The following WWOX variants were observed in gnomAD, a reference collection of about 807,000 sequenced individuals.
The protein encoded by WWOX is WW domain-containing oxidoreductase.
Under a neutral mutation model 46.2 loss-of-function variants are expected in WWOX, and 69 were observed. The ratio of observed to expected loss-of-function variants is 1.49; its 90% confidence interval spans 1.23 to 1.82. The LOEUF (loss-of-function observed/expected upper bound fraction) is 1.82, where lower values mean the gene tolerates loss of function less well. Ranked by LOEUF, WWOX falls within the 40% of genes most tolerant of loss-of-function variation. The probability of loss-of-function intolerance (pLI) is 0.00; values close to 1 mark genes in which losing one functional copy is unlikely to be tolerated. For synonymous variants in WWOX, 359 were observed against 202.6 expected (o/e 1.77, Z -6.56); for missense variants, 919 against 542.6 (o/e 1.69, Z -6.89).
Position 78,614,040 on chromosome 16 carries a change from A to G in WWOX, c.1056+181288A>G, listed in dbSNP as rs78204114. Among the ~76,000 whole-genome samples, 694 of 152,332 alleles carry G rather than the reference A, an allele frequency of 4.6e-3. 9 individuals are homozygous for G. Among genetic ancestry groups the G allele is most frequent in the African/African-American group, 0.015 (635 of 41,574 alleles). Reference sequence around the variant, plus strand: ...GCCCACAAAGCCTAAAATATTTACTATCTGGCTCTTTGCAGAAAATGCGCT... The same window carrying G: ...GCCCACAAAGCCTAAAATATTTACTGTCTGGCTCTTTGCAGAAAATGCGCT... On this transcript the variant is annotated intron_variant, in intron 8 of 8. Transcript: ENST00000566780.
chr16:78,552,621 C>A (rs190792234), intron 8 of WWOX: 1 of 152,176 alleles, frequency 6.6e-6, no homozygotes, highest in Non-Finnish European at 1.5e-5. Flanking sequence ...GGCATCCACG[C>A]GTGTCTTTCT....
chr16:78,369,737 T>TA (rs2081623648), intron 5 of WWOX, among the ~76,000 whole-genome samples: 1 of 152,026 alleles, frequency 6.6e-6, no homozygotes, highest in African/African-American at 2.4e-5. Flanking sequence ...ACCCAATTGT[T>TA]AAAATCCAAC....
chr16:79,095,009 T>G (rs2049040386), intron 8 of WWOX, among the ~76,000 whole-genome samples: 1 of 152,176 alleles, frequency 6.6e-6, no homozygotes, highest in East Asian at 1.9e-4. Context: ...TCTGGCTTAT[T>G]TCTAAGTCCC....
intron 5 of WWOX, among the ~76,000 whole-genome samples, chr16:78,372,983 C>G (rs866608357): frequency 6.6e-6 from 1 of 152,126 alleles, no homozygotes; most frequent in Admixed American, 6.6e-5. Flanking sequence ...GGGCTATTGT[C>G]TCTCAAAGAC....
At chr16:78,676,468 C>T (rs903960583) in intron 8 of WWOX, among the ~76,000 whole-genome samples, 1 of 150,994 alleles carries the variant, frequency 6.6e-6, no homozygotes, top group Non-Finnish European at 1.5e-5. Flanking sequence ...ACCTAAAAAG[C>T]TCCCCACCCC....
At chr16:78,576,314 T>G (rs1437991340) in intron 8 of WWOX, among the ~76,000 whole-genome samples, 2 of 152,178 alleles carry the variant, frequency 1.3e-5, no homozygotes, top group African/African-American at 4.8e-5. Context: ...TGTCCAGCTT[T>G]CTTTCTTTTA....
chr16:78,355,551 A>G (rs2081267595), intron 5 of WWOX: 1 of 422,568 alleles, frequency 2.4e-6, no homozygotes, highest in Admixed American at 2.9e-5. Context: ...GTAGACCAGC[A>G]GCAAACTACC....
At chr16:78,545,940 T>G (rs2044020739) in intron 8 of WWOX, among the ~76,000 whole-genome samples, 1 of 152,172 alleles carries the variant, frequency 6.6e-6, no homozygotes, top group Non-Finnish European at 1.5e-5. Context: ...TTTAACTTAG[T>G]TACCCTTTCA....
chr16:78,812,478 T>C (rs1290437553), intron 8 of WWOX, among the ~76,000 whole-genome samples: 1 of 152,036 alleles, frequency 6.6e-6, no homozygotes, highest in Non-Finnish European at 1.5e-5. Flanking sequence ...TCCTGACACT[T>C]TGGGAGGCCG....
intron 8 of WWOX, among the ~76,000 whole-genome samples, chr16:78,848,175 G>T (rs188446789): frequency 7.7e-4 from 117 of 152,272 alleles, no homozygotes; most frequent in African/African-American, 2.7e-3. Context: ...GGTTTTGCAG[G>T]GGTTTAATAT....
chr16:79,057,509 T>C (rs559017808), intron 8 of WWOX, among the ~76,000 whole-genome samples: 1 of 152,324 alleles, frequency 6.6e-6, no homozygotes, highest in East Asian at 1.9e-4. Context: ...TTATATTTCC[T>C]GTGGCTGAGC....
chr16:78,314,690 TTTTTTTTTTTG>T (rs1276775515), intron 5 of WWOX, among the ~76,000 whole-genome samples: 3 of 76,726 alleles, frequency 3.9e-5, no homozygotes, highest in East Asian at 4.3e-3. Context: ...CTGCAGGGGT[TTTTTTTTTTTG>T]TTTTTTTTTT....
intron 8 of WWOX, among the ~76,000 whole-genome samples, chr16:79,164,514 A>T (rs764985936): frequency 6.6e-6 from 1 of 152,184 alleles, no homozygotes; most frequent in Non-Finnish European, 1.5e-5. Flanking sequence ...GCCACCAGGC[A>T]TCAGCGCTGT....
intron 8 of WWOX, among the ~76,000 whole-genome samples, chr16:78,642,090 A>C (rs2046731632): frequency 6.6e-6 from 1 of 152,164 alleles, no homozygotes; most frequent in African/African-American, 2.4e-5. Context: ...CCTGTGTAGG[A>C]GACTGTCTGT....
intron 8 of WWOX, among the ~76,000 whole-genome samples, chr16:78,470,910 T>A (rs935097637): frequency 2.6e-5 from 4 of 152,216 alleles, no homozygotes; most frequent in African/African-American, 4.8e-5. Context: ...GGTGATATTG[T>A]GCCTACTTCA....
At chr16:79,129,772 C>G (rs959449703) in intron 8 of WWOX, among the ~76,000 whole-genome samples, 1 of 152,140 alleles carries the variant, frequency 6.6e-6, no homozygotes, top group Non-Finnish European at 1.5e-5. Context: ...TTATCTAGCT[C>G]ATTCAAAGAC....
chr16:78,163,585 C>A (rs1189265040), intron 4 of WWOX, among the ~76,000 whole-genome samples: 2 of 152,160 alleles, frequency 1.3e-5, no homozygotes, highest in East Asian at 3.9e-4. Context: ...GATCTTGGCC[C>A]CCAAAATTCT....
At chr16:78,965,999 C>T (rs2046356901) in intron 8 of WWOX, among the ~76,000 whole-genome samples, 1 of 152,132 alleles carries the variant, frequency 6.6e-6, no homozygotes, top group Non-Finnish European at 1.5e-5. Flanking sequence ...CACCTGAGAA[C>T]AAGAATGGAA....
At chr16:79,059,428 A>T (rs987830610) in intron 8 of WWOX, among the ~76,000 whole-genome samples, 1 of 152,254 alleles carries the variant, frequency 6.6e-6, no homozygotes, top group Non-Finnish European at 1.5e-5. Flanking sequence ...TGACACCTGC[A>T]TATAAAGTAG....
Sources: gnomAD v4.1 joint callset for allele counts (sites outside exome capture counted in the v4.1 genomes callset) on GRCh38, gnomAD v4.1.1 for gene constraint, MANE v1.5 for transcripts, NCBI Gene and HGNC (gene_info 2026-07-23, HGNC 2026-07-21) for gene names.